NTNG2: variants seen among roughly 807,000 people sequenced by gnomAD.
NTNG2 encodes netrin-G2.
A neutral mutation model predicts 47.6 loss-of-function variants in NTNG2; 15 were observed. The ratio of observed to expected loss-of-function variants is 0.32; its 90% CI spans 0.21 to 0.49. NTNG2 has a LOEUF of 0.49. NTNG2 is among the 20% of genes least tolerant of loss of function. The pLI is 0.99. For synonymous variants in NTNG2, 307 were observed against 324.6 expected (o/e 0.95, Z 0.58); for missense variants, 578 against 764.6 (o/e 0.76, Z 2.88).
In NTNG2 at chr9:132,166,542, C is replaced by T; in HGVS notation, c.-290C>T. The T allele has an allele frequency of 2.2e-6, 1 of 457,176 alleles. No homozygotes were observed. The highest frequency in any genetic ancestry group is 2.3e-5 in the South Asian group (1 of 42,632). The allele number at this position is 457,176 out of a possible 1,614,324, so 28.3% of individuals were successfully genotyped here. A position where few individuals can be genotyped will look rare whatever the true frequency, so the allele number is the denominator to read the frequency against. ...ATCTGCCTGATTTGATCAGATTCAC[C>T]TCCAGGGGAGGTGTGATACCAGGGT... On this transcript the variant is annotated 5_prime_UTR_variant, in exon 2 of 8. Coordinates refer to ENST00000393229, the MANE Select transcript of NTNG2 (RefSeq NM_032536.4).
Position 132,241,926 on chromosome 9 carries a change from C to A in NTNG2, c.1408C>A (p.Leu470Met), listed in dbSNP as rs557587464. 689 of 1,576,114 alleles carry A rather than the reference C, an allele frequency of 4.4e-4. 8 individuals carry two copies. In the East Asian group the frequency reaches 0.01, roughly 23 times the overall value. ...QLLCQNGGTC[L>M]QNQRCACPRG... ...GCTGTGCCAGAACGGAGGCACCTGC[C>A]TGCAGAACCAGCGCTGCGCCTGCCC... Residue 470 changes from leucine (L) to methionine (M), a missense_variant, in exon 8 of 8, where the codon CTG becomes ATG. Physicochemically the swap from Leu to Met is conservative, Grantham distance 15. Transcript: ENST00000393229.
In NTNG2 at chr9:132,215,466, G is replaced by T. The variant is rs1839900752; in HGVS notation, c.858-11383G>T. On this transcript the variant is annotated intron_variant, in intron 3 of 7. Transcript: ENST00000393229. This position sits in a 1 kb window ranked among gnomAD's most constrained non-coding sequence, Gnocchi z 4.2. ...GTGGTGGCGGGCGCCTGTAATCCCA[G>T]CTACTCGGGAGGCTGAGGCAGGATA... is the stretch of plus-strand genomic sequence containing the variant. Among the ~76,000 whole-genome samples the T allele has an allele frequency of 7.2e-6, 1 of 138,346 alleles. No individual in the cohort carries two copies. Among genetic ancestry groups the T allele is most frequent in the Non-Finnish European group, 1.6e-5 (1 of 63,754 alleles). 90.8% of individuals were successfully genotyped at this position (138,346 alleles called of 152,430 possible).
chr9:132,222,514 A>T (rs1840418658), intron 3 of NTNG2, among the ~76,000 whole-genome samples: 2 of 152,192 alleles, frequency 1.3e-5, no homozygotes, highest in Non-Finnish European at 1.5e-5. Flanking sequence ...TCAGGGGAAG[A>T]TGGAGTTAAA....
At chr9:132,164,041 C>G (rs960694050) in intron 1 of NTNG2, among the ~76,000 whole-genome samples, 13 of 152,150 alleles carry the variant, frequency 8.5e-5, no homozygotes, top group African/African-American at 2.9e-4. Flanking sequence ...TGCGCTCCTC[C>G]TCGTTATCCG....
chr9:132,184,745 GA>G (rs955054801), intron 2 of NTNG2, among the ~76,000 whole-genome samples: 7 of 152,326 alleles, frequency 4.6e-5, no homozygotes, highest in African/African-American at 1.7e-4. Flanking sequence ...CCAACATGGG[GA>G]AACCCAGTCT....
At chr9:132,224,859 T>A (rs1240513626) in intron 3 of NTNG2, among the ~76,000 whole-genome samples, 1 of 152,212 alleles carries the variant, frequency 6.6e-6, no homozygotes, top group African/African-American at 2.4e-5. Context: ...ATCTTCTTGT[T>A]TCATCTGTAC....
At position 132,162,221 on chromosome 9, in the gene NTNG2, G is replaced by A. The variant is rs1015935501; in HGVS notation, c.-502G>A. ...CGGCCCTCCCAGGTCTCCGCGCCGGGAAGCCGCTCCGAGCCGGGGTAAGGC... is the reference window on the plus strand; with the variant it reads ...CGGCCCTCCCAGGTCTCCGCGCCGGAAAGCCGCTCCGAGCCGGGGTAAGGC... On this transcript the variant is annotated 5_prime_UTR_variant, in exon 1 of 8. Transcript: ENST00000393229. The surrounding 1 kb of genome is among the most constrained non-coding windows in gnomAD (Gnocchi z 4.6). 1 of 152,534 alleles carries A rather than the reference G, an allele frequency of 6.6e-6. No homozygotes were observed. Among genetic ancestry groups the A allele is most frequent in the Non-Finnish European group, 1.5e-5 (1 of 67,984 alleles). 9.4% of individuals were successfully genotyped at this position (152,534 alleles called of 1,614,324 possible).
chr9:132,216,610 G>T (rs1336463792), intron 3 of NTNG2, among the ~76,000 whole-genome samples: 1 of 152,088 alleles, frequency 6.6e-6, no homozygotes, highest in African/African-American at 2.4e-5. Context: ...CTATCTCTAT[G>T]TTCATTATTA....
chr9:132,192,942 C>T (rs1473668962), intron 2 of NTNG2, among the ~76,000 whole-genome samples: 2 of 152,214 alleles, frequency 1.3e-5, no homozygotes, highest in Admixed American at 6.5e-5. Flanking sequence ...GGGCGGGGGC[C>T]GGAGTGCCCC....
chr9:132,169,597 GCCCATGCCCA>G (rs749632891), intron 2 of NTNG2, among the ~76,000 whole-genome samples: 20 of 152,198 alleles, frequency 1.3e-4, no homozygotes, highest in Non-Finnish European at 1.6e-4. Flanking sequence ...TGTAGCCAAG[GCCCATGCCCA>G]CCCACCAGGC....
At chr9:132,203,602 G>A (rs1175621110) in intron 3 of NTNG2, among the ~76,000 whole-genome samples, 3 of 152,190 alleles carry the variant, frequency 2.0e-5, no homozygotes, top group Non-Finnish European at 4.4e-5. Flanking sequence ...TTTAAACTCT[G>A]TGCAAGGAAA....
intron 2 of NTNG2, among the ~76,000 whole-genome samples, chr9:132,185,822 GGGAGGA>G (rs1368692283): frequency 9.9e-6 from 1 of 101,122 alleles, no homozygotes; most frequent in Non-Finnish European, 1.9e-5. Context: ...TGTGTGTGCA[GGGAGGA>G]GGAGGAGGAG....
At chr9:132,186,073 C>G (rs2131386684) in intron 2 of NTNG2, among the ~76,000 whole-genome samples, 1 of 152,326 alleles carries the variant, frequency 6.6e-6, no homozygotes, top group Non-Finnish European at 1.5e-5. Context: ...AATAGGGAAC[C>G]TGGGACCAAG....
intron 3 of NTNG2, among the ~76,000 whole-genome samples, chr9:132,211,828 C>A (rs1589481163): frequency 1.3e-5 from 2 of 152,320 alleles, no homozygotes; most frequent in East Asian, 3.9e-4. Flanking sequence ...AGGCTCTGAG[C>A]TCCAAGGGAG....
Position 132,243,535 on chromosome 9 carries a change from T to G in NTNG2, c.*1424T>G, listed in dbSNP as rs372815388. ...GTGTCTCCAGCCCTGGGGCCACACT[T>G]CCCCCTCGGTCCAGCCTCCTGTCCA... On this transcript the variant is annotated 3_prime_UTR_variant, in exon 8 of 8. Coordinates refer to ENST00000393229, the MANE Select transcript of NTNG2 (RefSeq NM_032536.4). 6.6e-6 allele frequency: 1 copy of G among 152,458 alleles called. No individual in the cohort carries two copies. The highest frequency in any genetic ancestry group is 2.4e-5 in the African/African-American group (1 of 41,544). The allele number at this position is 152,458 out of a possible 1,614,324, so 9.4% of individuals were successfully genotyped here. A position where few individuals can be genotyped will look rare whatever the true frequency, so the allele number is the denominator to read the frequency against.
rs1018835635 is a variant in NTNG2 at position 132,226,584 on chromosome 9, G to C, written c.858-265G>C. Among the ~76,000 whole-genome samples, 13 of 152,368 alleles carry C rather than the reference G, an allele frequency of 8.5e-5. No individual in the cohort carries two copies. Among genetic ancestry groups the C allele is most frequent in the African/African-American group, 2.9e-4 (12 of 41,586 alleles). On this transcript the variant is annotated intron_variant, in intron 3 of 7. Coordinates refer to ENST00000393229, the MANE Select transcript of NTNG2 (RefSeq NM_032536.4). The surrounding 1 kb of genome is among the most constrained non-coding windows in gnomAD (Gnocchi z 4.8). ...ATCACTCTCCCCAACTGAGATGTGAGGAATCCTTGAAACCAGCATCAGAGC... is the reference window on the plus strand; with the variant it reads ...ATCACTCTCCCCAACTGAGATGTGACGAATCCTTGAAACCAGCATCAGAGC...
intron 3 of NTNG2, among the ~76,000 whole-genome samples, chr9:132,223,049 A>G (rs1351007582): frequency 2.0e-5 from 3 of 152,148 alleles, no homozygotes; most frequent in Admixed American, 6.5e-5. Context: ...GAGAGGCAGA[A>G]GTTGCAGTGA....
chr9:132,209,070 T>G (rs964295769), intron 3 of NTNG2, among the ~76,000 whole-genome samples: 1 of 152,236 alleles, frequency 6.6e-6, no homozygotes, highest in Non-Finnish European at 1.5e-5. Context: ...CGTGGTCTGT[T>G]TACCCATTCT....
rs1842034970 is a variant in NTNG2 at position 132,242,189 on chromosome 9, G to A, written c.*78G>A. The stretch of plus-strand genomic sequence containing the variant: ...CGGGGCGGGGCCGGCGTCCGAGGCC[G>A]GGCGGTGAGAAGGGTGCGGCCCGAG... On this transcript the variant is annotated 3_prime_UTR_variant, in exon 8 of 8. Coordinates refer to ENST00000393229, the MANE Select transcript of NTNG2 (RefSeq NM_032536.4). This position sits in a 1 kb window ranked among gnomAD's most constrained non-coding sequence, Gnocchi z 5.9. The A allele has an allele frequency of 1.4e-6, 1 of 695,596 alleles. No individual in the cohort carries two copies. The highest frequency in any genetic ancestry group is 6.6e-5 in the South Asian group (1 of 15,050). 43.1% of individuals were successfully genotyped at this position (695,596 alleles called of 1,614,324 possible). A position where few individuals can be genotyped will look rare whatever the true frequency, so the allele number is the denominator to read the frequency against.
Sources: gnomAD v4.1 joint callset for allele counts (sites outside exome capture counted in the v4.1 genomes callset) on GRCh38, gnomAD v4.1.1 for gene constraint, Gnocchi (gnomAD v3.1) non-coding constraint, MANE v1.5 for transcripts, NCBI Gene and HGNC (gene_info 2026-07-23, HGNC 2026-07-21) for gene names.